Variants in TMTC2 observed in about 807,000 individuals in gnomAD.
TMTC2 encodes the protein transmembrane O-mannosyltransferase targeting cadherins 2.
Under a neutral mutation model 82.4 loss-of-function variants are expected in TMTC2, and 43 were observed. The observed-to-expected ratio is 0.52, with a 90% CI of 0.41 to 0.67. TMTC2 has a LOEUF of 0.67. Ranked by LOEUF, TMTC2 falls within the 30% of genes least tolerant of loss-of-function variation. TMTC2 has a pLI of 0.00. For synonymous variants in TMTC2, 408 were observed against 381.9 expected, an observed-to-expected ratio of 1.07 and a Z score of -0.80; for missense variants, 919 against 1,012.4, an observed-to-expected ratio of 0.91 and a Z score of 1.25.
intron 1 of TMTC2, among the ~76,000 whole-genome samples, chr12:82,746,282 T>C (rs981419123): frequency 6.6e-6 from 1 of 152,234 alleles, no homozygotes; most frequent in Non-Finnish European, 1.5e-5. Context: ...CAACATCTTG[T>C]CCATAGGTCT....
chr12:82,805,695 C>A (rs372253845), intron 1 of TMTC2, among the ~76,000 whole-genome samples: 1 of 151,594 alleles, frequency 6.6e-6, no homozygotes, highest in East Asian at 1.9e-4. Flanking sequence ...TTAGTAGAGA[C>A]GGGGTTTCAC....
intron 10 of TMTC2, among the ~76,000 whole-genome samples, chr12:83,058,236 T>G (rs937965150): frequency 3.9e-5 from 6 of 151,936 alleles, no homozygotes; most frequent in Non-Finnish European, 7.4e-5. Flanking sequence ...GAAATTTGTT[T>G]ATGAGTTTTG....
chr12:82,858,244 A>T (rs1871357127), intron 2 of TMTC2, among the ~76,000 whole-genome samples: 1 of 152,226 alleles, frequency 6.6e-6, no homozygotes, highest in South Asian at 2.1e-4. Flanking sequence ...AGGCCACAGA[A>T]GCATTTTAGG....
At chr12:82,991,011 G>A (rs189059138) in intron 8 of TMTC2, among the ~76,000 whole-genome samples, 127 of 152,246 alleles carry the variant, frequency 8.3e-4, no homozygotes, top group African/African-American at 2.5e-3. Flanking sequence ...CAAGAGGGGC[G>A]TGCATCTCTT....
At chr12:82,755,808 T>G (rs1232973348) in intron 1 of TMTC2, among the ~76,000 whole-genome samples, 1 of 152,196 alleles carries the variant, frequency 6.6e-6, no homozygotes, top group Non-Finnish European at 1.5e-5. Flanking sequence ...GAGCTAACTT[T>G]TGTTATATGT....
At chr12:82,970,536 T>C (rs1046445306) in intron 7 of TMTC2, among the ~76,000 whole-genome samples, 1 of 151,052 alleles carries the variant, frequency 6.6e-6, no homozygotes, top group Non-Finnish European at 1.5e-5. Context: ...GGTTTCACCT[T>C]GTTAGCCAGG....
At chr12:82,978,401 T>C (rs1878772903) in intron 7 of TMTC2, among the ~76,000 whole-genome samples, 1 of 151,718 alleles carries the variant, frequency 6.6e-6, no homozygotes, top group African/African-American at 2.4e-5. Flanking sequence ...TTCTAAAACA[T>C]ACAGCTATTA....
At chr12:82,868,085 C>A (rs1871959313) in intron 2 of TMTC2, among the ~76,000 whole-genome samples, 2 of 152,124 alleles carry the variant, frequency 1.3e-5, no homozygotes, top group South Asian at 4.1e-4. Context: ...AATATCTTCG[C>A]TGTTTTGTGT....
chr12:82,801,435 G>A (rs552341160), intron 1 of TMTC2, among the ~76,000 whole-genome samples: 3 of 152,184 alleles, frequency 2.0e-5, no homozygotes, highest in Admixed American at 6.5e-5. Flanking sequence ...GGACCCAAGC[G>A]GGTTGCCACT....
chr12:82,737,024 T>C (rs1488369383), intron 1 of TMTC2, among the ~76,000 whole-genome samples: 1 of 152,204 alleles, frequency 6.6e-6, no homozygotes, highest in African/African-American at 2.4e-5. Context: ...AGTTAGAATT[T>C]ATGACCGGTA....
At chr12:83,042,455 T>C (rs1400917474) in intron 9 of TMTC2, among the ~76,000 whole-genome samples, 1 of 152,216 alleles carries the variant, frequency 6.6e-6, no homozygotes, top group African/African-American at 2.4e-5. Flanking sequence ...ACCCTGAAGA[T>C]AGTTTGAAGC....
chr12:82,948,969 C>A (rs1877190987), intron 4 of TMTC2, among the ~76,000 whole-genome samples: 1 of 152,130 alleles, frequency 6.6e-6, no homozygotes, highest in African/African-American at 2.4e-5. Context: ...AGCATATCAA[C>A]TCAGCATTGG....
intron 8 of TMTC2, among the ~76,000 whole-genome samples, chr12:83,005,769 T>A (rs1392234133): frequency 6.6e-6 from 1 of 152,122 alleles, no homozygotes; most frequent in African/African-American, 2.4e-5. Context: ...CTCAAAGCAG[T>A]ATGCCTGCTC....
At chr12:83,053,336 G>A (rs746906175) in intron 10 of TMTC2, among the ~76,000 whole-genome samples, 4 of 152,060 alleles carry the variant, frequency 2.6e-5, no homozygotes, top group East Asian at 1.9e-4. Context: ...GAGAGACTGG[G>A]TGTCTCCTGG....
rs12318675 is a variant in TMTC2, at chr12:82,703,142, T to A, written c.83+15473T>A. The stretch of plus-strand genomic sequence containing the variant: ...TCCCAGGAGTTTGAGGTTACAGTGA[T>A]AGTGAGCAATGATCATACCACTGCA... On this transcript the variant is annotated intron_variant, in intron 1 of 11. Coordinates refer to ENST00000321196, the MANE Select transcript of TMTC2 (RefSeq NM_152588.3). Among the ~76,000 whole-genome samples the A allele has an allele frequency of 2.8e-3, 419 of 152,244 alleles. 3 individuals carry two copies. The highest frequency in any genetic ancestry group is 9.8e-3 in the African/African-American group (408 of 41,550).
At position 82,742,341 on chromosome 12, in the gene TMTC2, G is replaced by A. The variant is rs569442757; in HGVS notation, c.83+54672G>A. Among the ~76,000 whole-genome samples the A allele has an allele frequency of 1.3e-4, 15 of 113,064 alleles. No individual in the cohort carries two copies. In the South Asian group the frequency reaches 5.4e-3, roughly 41 times the overall value. The allele number at this position is 113,064 out of a possible 152,430, so 74.2% of individuals were successfully genotyped here. A position where few individuals can be genotyped will look rare whatever the true frequency, so the allele number is the denominator to read the frequency against. Reference sequence around the variant, plus strand: ...AGCTAAGAGACCCAAATGACAAAGGGGCCTAAATGAAGAAGTTTAAAAAAA... The same window carrying A: ...AGCTAAGAGACCCAAATGACAAAGGAGCCTAAATGAAGAAGTTTAAAAAAA... On this transcript the variant is annotated intron_variant, in intron 1 of 11. Transcript: ENST00000321196.
rs1885382063 is a variant in TMTC2, at chr12:83,134,714, C to T, written c.*2325C>T. The T allele has an allele frequency of 6.6e-6, 1 of 152,058 alleles. No individual in the cohort carries two copies. Among genetic ancestry groups the T allele is most frequent in the Non-Finnish European group, 1.5e-5 (1 of 68,010 alleles). The allele number at this position is 152,058 out of a possible 1,614,324, so 9.4% of individuals were successfully genotyped here. A position where few individuals can be genotyped will look rare whatever the true frequency, so the allele number is the denominator to read the frequency against. ...CAGACAGTGCTAAAAATATAGAGCA[C>T]AAGACAAGTTTACTAAATTAAAATT... On this transcript the variant is annotated 3_prime_UTR_variant, in exon 12 of 12. Transcript: ENST00000321196.
intron 2 of TMTC2, among the ~76,000 whole-genome samples, chr12:82,877,257 C>G (rs1200554186): frequency 1.3e-5 from 2 of 152,288 alleles, no homozygotes; most frequent in East Asian, 3.9e-4. Context: ...AAATAACTTT[C>G]TCTCTGAAAC....
intron 3 of TMTC2, among the ~76,000 whole-genome samples, chr12:82,913,926 G>A (rs1011745772): frequency 4.6e-5 from 7 of 152,116 alleles, no homozygotes; most frequent in African/African-American, 1.4e-4. Flanking sequence ...CTCTTTATAC[G>A]TGGGTTTCAA....
Sources: gnomAD v4.1 joint callset for allele counts (sites outside exome capture counted in the v4.1 genomes callset) on GRCh38, gnomAD v4.1.1 for gene constraint, MANE v1.5 for transcripts, NCBI Gene and HGNC (gene_info 2026-07-23, HGNC 2026-07-21) for gene names.